The following RANBP17 variants were observed in gnomAD, a reference collection of about 807,000 sequenced individuals.
RANBP17 encodes the protein RAN binding protein 17.
Under a neutral mutation model 141.2 loss-of-function variants are expected in RANBP17, and 158 were observed. The ratio of observed to expected loss-of-function variants is 1.12; its 90% CI spans 0.98 to 1.28. The LOEUF (loss-of-function observed/expected upper bound fraction) is 1.28. Among genes scored for constraint, RANBP17 ranks in the 50% most tolerant of loss-of-function variants. The probability of loss-of-function intolerance (pLI) is 0.00; values close to 1 mark genes in which losing one functional copy is unlikely to be tolerated. For synonymous variants in RANBP17, 430 were observed against 450.0 expected (o/e 0.96, Z 0.56); for missense variants, 1,438 against 1,290.7 (o/e 1.11, Z -1.75).
chr5:170,882,071 T>C (rs1190766578), intron 3 of RANBP17, among the ~76,000 whole-genome samples, 175 bp downstream of exon 3: 1 of 152,158 alleles, frequency 6.6e-6, no homozygotes, highest in Admixed American at 6.5e-5. Flanking sequence ...TAAAGCAACG[T>C]CTAATCAAAA....
chr5:170,987,146 A>C (rs1471486485), intron 14 of RANBP17, among the ~76,000 whole-genome samples: 1 of 151,766 alleles, frequency 6.6e-6, no homozygotes, highest in Non-Finnish European at 1.5e-5. Flanking sequence ...TAAACATTGA[A>C]ACATTTTAAA....
chr5:171,065,737 G>A (rs940929112), intron 14 of RANBP17, among the ~76,000 whole-genome samples: 8 of 152,082 alleles, frequency 5.3e-5, no homozygotes, highest in African/African-American at 1.9e-4. Flanking sequence ...TCTTGTGCCA[G>A]TACCATACTG....
chr5:170,987,790 G>A (rs564984184), intron 14 of RANBP17, among the ~76,000 whole-genome samples: 168 of 151,720 alleles, frequency 1.1e-3, no homozygotes, highest in African/African-American at 3.7e-3. Context: ...AGCACTAGAC[G>A]AGGATGTTTG....
At chr5:170,937,204 G>T (rs1158790580) in intron 12 of RANBP17, among the ~76,000 whole-genome samples, 1 of 152,090 alleles carries the variant, frequency 6.6e-6, no homozygotes, top group East Asian at 1.9e-4. Flanking sequence ...ATATCACACT[G>T]GTAGTCTGTA....
At chr5:171,175,519 T>A (rs1270452473) in intron 16 of RANBP17, among the ~76,000 whole-genome samples, 2 of 152,046 alleles carry the variant, frequency 1.3e-5, no homozygotes, top group Non-Finnish European at 2.9e-5. Flanking sequence ...TGGGAGAAAA[T>A]TTTTTTAATC....
chr5:171,244,997 C>T (rs1276326804), intron 24 of RANBP17, among the ~76,000 whole-genome samples: 1 of 151,812 alleles, frequency 6.6e-6, no homozygotes, highest in African/African-American at 2.4e-5. Flanking sequence ...GGCTTGGTAG[C>T]GGGCACCTGT....
intron 14 of RANBP17, among the ~76,000 whole-genome samples, chr5:170,981,562 A>G (rs10055216): frequency 0.61 from 91,369 of 149,154 alleles, 28,965 homozygotes; most frequent in South Asian, 0.88. Context: ...ACAGGCTCTC[A>G]TTTTTTTTTT....
At chr5:171,046,728 A>C (rs1782613772) in intron 14 of RANBP17, among the ~76,000 whole-genome samples, 1 of 152,124 alleles carries the variant, frequency 6.6e-6, no homozygotes. Context: ...GGTTGGATGG[A>C]TTGCAATTTG....
chr5:170,934,059 T>A (rs1449924087), intron 12 of RANBP17, among the ~76,000 whole-genome samples: 1 of 152,054 alleles, frequency 6.6e-6, no homozygotes, highest in African/African-American at 2.4e-5. Context: ...AAGTCTCTTT[T>A]TAGGTCTCTC....
intron 5 of RANBP17, chr5:170,904,427 C>T (rs1770911465): frequency 6.5e-6 from 1 of 154,860 alleles, no homozygotes; most frequent in African/African-American, 2.4e-5. Context: ...AAAAACATAC[C>T]TGTGCAAGAT....
At chr5:171,255,003 G>C (rs541730771) in intron 24 of RANBP17, among the ~76,000 whole-genome samples, 1 of 152,042 alleles carries the variant, frequency 6.6e-6, no homozygotes, top group Non-Finnish European at 1.5e-5. Flanking sequence ...TAGGTAATTG[G>C]GCTGCTTAAA....
intron 14 of RANBP17, among the ~76,000 whole-genome samples, chr5:171,130,914 A>G (rs925506125): frequency 8.5e-5 from 13 of 152,162 alleles, no homozygotes; most frequent in African/African-American, 2.7e-4. Flanking sequence ...CATTTTATTT[A>G]TAATAAAACT....
chr5:170,894,673 TTC>T (rs1769960314), intron 4 of RANBP17, among the ~76,000 whole-genome samples: 2 of 152,052 alleles, frequency 1.3e-5, no homozygotes, highest in African/African-American at 4.8e-5. Flanking sequence ...CTTTTGTGCA[TTC>T]TCTTTTTTCT....
chr5:171,280,822 T>A (rs917741214), intron 25 of RANBP17, among the ~76,000 whole-genome samples: 1 of 152,246 alleles, frequency 6.6e-6, no homozygotes, highest in Non-Finnish European at 1.5e-5. Flanking sequence ...TGCTTTCAAA[T>A]GACTGAAATT....
Position 170,953,707 on chromosome 5 carries a change from G to A in RANBP17, c.1574+5G>A, listed in dbSNP as rs1315826677. The A allele has an allele frequency of 6.5e-7, 1 of 1,548,794 alleles. No individual in the cohort carries two copies. The highest frequency in any genetic ancestry group is 1.7e-5 in the Admixed American group (1 of 59,056). ...GGATGGAGAATTATCCTGTCGGTAA[G>A]TAAGAGCTATGTAATTTACTGAAAT... is the stretch of plus-strand genomic sequence containing the variant. On this transcript the variant is annotated splice_donor_5th_base_variant and intron_variant, in intron 13 of 27. Coordinates refer to ENST00000523189, the MANE Select transcript of RANBP17 (RefSeq NM_022897.5).
chr5:170,917,393 A>G (rs182949748), intron 9 of RANBP17, among the ~76,000 whole-genome samples: 2 of 152,254 alleles, frequency 1.3e-5, no homozygotes, highest in Admixed American at 6.5e-5. Flanking sequence ...GAGAATTGCA[A>G]AGCTGCTATT....
intron 4 of RANBP17, among the ~76,000 whole-genome samples, chr5:170,893,979 T>G (rs1427905488): frequency 6.6e-6 from 1 of 152,166 alleles, no homozygotes; most frequent in East Asian, 1.9e-4. Flanking sequence ...CATCATATAG[T>G]GCAGTGCTGG....
At chr5:170,898,538 C>T (rs1770336267) in intron 5 of RANBP17, among the ~76,000 whole-genome samples, 1 of 152,066 alleles carries the variant, frequency 6.6e-6, no homozygotes, top group African/African-American at 2.4e-5. Context: ...TAATTAGATC[C>T]CATTTGTCAA....
chr5:170,959,430 C>G (rs1273636696), intron 13 of RANBP17, among the ~76,000 whole-genome samples: 1 of 152,164 alleles, frequency 6.6e-6, no homozygotes, highest in African/African-American at 2.4e-5. Flanking sequence ...TAACACTGGC[C>G]TCCTTGCTGT....
Sources: gnomAD v4.1 joint callset for allele counts (sites outside exome capture counted in the v4.1 genomes callset) on GRCh38, gnomAD v4.1.1 for gene constraint, MANE v1.5 for transcripts, NCBI Gene and HGNC (gene_info 2026-07-23, HGNC 2026-07-21) for gene names.